CAPN1: variants seen among roughly 807,000 people sequenced by gnomAD.
CAPN1 encodes calpain-1 catalytic subunit.
CAPN1 carries 77 observed loss-of-function variants against 105.2 expected under a neutral mutation model. That is an observed-to-expected ratio of 0.73 (90% confidence interval 0.61 to 0.88). The LOEUF is 0.88. CAPN1 is among the 40% of genes least tolerant of loss of function. The probability of loss-of-function intolerance (pLI) is 0.00; values close to 1 mark genes in which losing one functional copy is unlikely to be tolerated. For missense variants in CAPN1, 833 were observed against 976.6 expected, an observed-to-expected ratio of 0.85 and a Z score of 1.96; for synonymous variants, 355 against 388.8, an observed-to-expected ratio of 0.91 and a Z score of 1.02.
In CAPN1 at chr11:65,188,867, T is replaced by C; in HGVS notation, c.1165+121T>C. The C allele has an allele frequency of 1.2e-6, 1 of 839,026 alleles. No individual in the cohort carries two copies. Among genetic ancestry groups the C allele is most frequent in the Non-Finnish European group, 1.8e-6 (1 of 549,458 alleles). The allele number at this position is 839,026 out of a possible 1,614,324, so 52.0% of individuals were successfully genotyped here. On this transcript the variant is annotated intron_variant, in intron 10 of 21. Coordinates refer to ENST00000279247, the MANE Select transcript of CAPN1 (RefSeq NM_005186.4). The surrounding 1 kb of genome is among the most constrained non-coding windows in gnomAD (Gnocchi z 5.5). ...ATATAGGCTGATCTCTTGAATTTGC[T>C]TTGAGGAGTAAAATATTAAATGTCC...
At position 65,206,565 on chromosome 11, in the gene CAPN1, C is replaced by T. The variant is rs780976578; in HGVS notation, c.1456C>T (p.Arg486Cys). Residue 486 changes from arginine (R) to cysteine (C), a missense_variant, in exon 13 of 22, where the codon CGC (arginine) becomes TGC (cysteine). Physicochemically the swap from Arg to Cys is radical, Grantham distance 180. Transcript: ENST00000279247. ...CATCAACCTGCGAGAGGTCAGCACC[C>T]GCTTCCGCCTGCCACCCGGGGAGTA... ...QFINLREVST[R>C]FRLPPGEYVV... is the part of the protein sequence containing the mutation. 2.5e-5 allele frequency: 40 copies of T among 1,613,350 alleles called. No homozygotes were observed. Among genetic ancestry groups the T allele is most frequent in the Middle Eastern group, 1.6e-4 (1 of 6,084 alleles).
rs759051568 is a variant in CAPN1, at chr11:65,210,830, G to T, written c.2076G>T (p.Leu692=). The change falls in exon 21 of 22, where the codon CTG becomes CTT. Residue 692 remains leucine, a synonymous_variant. Coordinates refer to ENST00000279247, the MANE Select transcript of CAPN1 (RefSeq NM_005186.4). The surrounding 1 kb of genome is among the most constrained non-coding windows in gnomAD (Gnocchi z 4.3). Reference sequence around the variant, plus strand: ...AACACACAGGATTTTTCAAAACTCTGGACACAGATCTGGATGGAGTTGTGA... The same window carrying T: ...AACACACAGGATTTTTCAAAACTCTTGACACAGATCTGGATGGAGTTGTGA... The part of the protein sequence containing the change: ...LETMFRFFKT[L]DTDLDGVVTF... The T allele has an allele frequency of 1.2e-6, 2 of 1,613,592 alleles. No homozygotes were observed. The highest frequency in any genetic ancestry group is 2.7e-5 in the African/African-American group (2 of 74,920).
intron 5 of CAPN1, 22 bp downstream of exon 5, chr11:65,186,072 A>T (rs779179237): frequency 3.1e-6 from 5 of 1,609,842 alleles, no homozygotes; most frequent in Non-Finnish European, 1.7e-6. Flanking sequence ...CTGAGGGGGC[A>T]ACTCCAGCTT....
intron 10 of CAPN1, among the ~76,000 whole-genome samples, chr11:65,202,414 T>C (rs2137373607): frequency 6.6e-6 from 1 of 152,242 alleles, no homozygotes; most frequent in South Asian, 2.1e-4. Flanking sequence ...TACTGAAGTA[T>C]ATTACGATTT....
chr11:65,188,125 G>A lies in CAPN1; in HGVS notation c.929+85G>A. 1.0e-6 allele frequency: 1 copy of A among 995,938 alleles called. No individual in the cohort carries two copies. The highest frequency in any genetic ancestry group is 1.5e-6 in the Non-Finnish European group (1 of 673,130). The allele number at this position is 995,938 out of a possible 1,614,324, so 61.7% of individuals were successfully genotyped here. A position where few individuals can be genotyped will look rare whatever the true frequency, so the allele number is the denominator to read the frequency against. ...TTCTGCTCGGGACTCTACCAGGCCA[G>A]GCTGGACTCAGGATTGAGCAGAGGG... is the stretch of plus-strand genomic sequence containing the variant. On this transcript the variant is annotated intron_variant, in intron 8 of 21. Coordinates refer to ENST00000279247, the MANE Select transcript of CAPN1 (RefSeq NM_005186.4). The surrounding 1 kb of genome is among the most constrained non-coding windows in gnomAD (Gnocchi z 5.5).
At chr11:65,204,024 A>G (rs1325854422) in intron 10 of CAPN1, among the ~76,000 whole-genome samples, 4 of 152,224 alleles carry the variant, frequency 2.6e-5, no homozygotes, top group Admixed American at 2.6e-4. Flanking sequence ...CCCAACTGCC[A>G]GAAATGCAAG....
Position 65,209,725 on chromosome 11 carries a change from C to A in CAPN1, c.1795-124C>A. 2 of 916,150 alleles carry A rather than the reference C, an allele frequency of 2.2e-6. No homozygotes were observed. Among genetic ancestry groups the A allele is most frequent in the Non-Finnish European group, 3.4e-6 (2 of 585,570 alleles). 56.8% of individuals were successfully genotyped at this position (916,150 alleles called of 1,614,324 possible). The stretch of plus-strand genomic sequence containing the variant: ...GTGGGCTGACTGTACATGGCTTTTG[C>A]TGCTTCTCCTCACCCAGCCCCAAGT... On this transcript the variant is annotated intron_variant, in intron 17 of 21. Coordinates refer to ENST00000279247, the MANE Select transcript of CAPN1 (RefSeq NM_005186.4). The surrounding 1 kb of genome is among the most constrained non-coding windows in gnomAD (Gnocchi z 4.1).
rs1381907599 is a variant in CAPN1, at chr11:65,188,723, C to T, written c.1142C>T (p.Ala381Val). Residue 381 changes from alanine to valine, a missense_variant, in exon 10 of 22, where the codon GCG becomes GTG. By Grantham distance (64) the Ala-to-Val change is moderately conservative (BLOSUM62 0). Coordinates refer to ENST00000279247, the MANE Select transcript of CAPN1 (RefSeq NM_005186.4). This position sits in a 1 kb window ranked among gnomAD's most constrained non-coding sequence, Gnocchi z 5.5. ...YEGTWRRGST[A>V]GGCRNYPATF... ...GGCACCTGGCGGCGGGGGAGCACCGCGGGGGGCTGCCGAAACTACCCAGGT... is the reference window on the plus strand; with the variant it reads ...GGCACCTGGCGGCGGGGGAGCACCGTGGGGGGCTGCCGAAACTACCCAGGT... 8.8e-6 allele frequency: 14 copies of T among 1,583,080 alleles called. No homozygotes were observed. The highest frequency in any genetic ancestry group is 4.7e-5 in the East Asian group (2 of 42,726).
Position 65,210,538 on chromosome 11 carries a change from T to A in CAPN1, c.2059+86T>A. The A allele has an allele frequency of 1.2e-6, 1 of 854,146 alleles. No individual in the cohort carries two copies. The highest frequency in any genetic ancestry group is 1.9e-6 in the Non-Finnish European group (1 of 515,248). 52.9% of individuals were successfully genotyped at this position (854,146 alleles called of 1,614,324 possible). On this transcript the variant is annotated intron_variant, in intron 20 of 21. Coordinates refer to ENST00000279247, the MANE Select transcript of CAPN1 (RefSeq NM_005186.4). The surrounding 1 kb of genome is among the most constrained non-coding windows in gnomAD (Gnocchi z 4.3). ...TGGGGGGAATGACAGATGGGTGAAT[T>A]AGCAGATACAGGCCAGTGCTGTGGG...
Position 65,211,318 on chromosome 11 carries a change from C to T in CAPN1, c.*32C>T, listed in dbSNP as rs1186278024. ...GACTCGGTCCCCCTTGCCGTGCTCCCCTCCCTCCTCGTCTGCCAAGCCTCG... is the reference window on the plus strand; with the variant it reads ...GACTCGGTCCCCCTTGCCGTGCTCCTCTCCCTCCTCGTCTGCCAAGCCTCG... On this transcript the variant is annotated 3_prime_UTR_variant, in exon 22 of 22. Coordinates refer to ENST00000279247, the MANE Select transcript of CAPN1 (RefSeq NM_005186.4). The T allele has an allele frequency of 1.9e-6, 3 of 1,608,574 alleles. No homozygotes were observed. Among genetic ancestry groups the T allele is most frequent in the South Asian group, 1.1e-5 (1 of 90,570 alleles).
At position 65,206,562 on chromosome 11, in the gene CAPN1, A is replaced by G. The variant is rs972175626; in HGVS notation, c.1453A>G (p.Thr485Ala). Residue 485 changes from threonine to alanine, a missense_variant, in exon 13 of 22, where the codon ACC becomes GCC. Physicochemically the swap from Thr to Ala is moderately conservative, Grantham distance 58. Transcript: ENST00000279247. The part of the protein sequence containing the change: ...EQFINLREVS[T>A]RFRLPPGEYV... The stretch of plus-strand genomic sequence containing the variant: ...GTTCATCAACCTGCGAGAGGTCAGC[A>G]CCCGCTTCCGCCTGCCACCCGGGGA... The G allele has an allele frequency of 1.9e-6, 3 of 1,613,154 alleles. No individual in the cohort carries two copies. The African/African-American group carries it at 4.0e-5, about 22-fold the overall frequency.
At position 65,211,503 on chromosome 11, in the gene CAPN1, T is replaced by C; in HGVS notation, c.*217T>C. ...GCCTGTGCCAGCCATGGGCTCGGGA[T>C]GGACTCCCTGGGCCCCACCCATTGC... On this transcript the variant is annotated 3_prime_UTR_variant, in exon 22 of 22. Coordinates refer to ENST00000279247, the MANE Select transcript of CAPN1 (RefSeq NM_005186.4). The C allele has an allele frequency of 1.7e-6, 1 of 588,188 alleles. No individual in the cohort carries two copies. The allele number at this position is 588,188 out of a possible 1,614,324, so 36.4% of individuals were successfully genotyped here.
chr11:65,192,861 C>T (rs1188032682), intron 10 of CAPN1, among the ~76,000 whole-genome samples: 2 of 152,078 alleles, frequency 1.3e-5, no homozygotes, highest in African/African-American at 4.8e-5. Context: ...CCCACCTTGG[C>T]CTCCCAAAGT....
At chr11:65,184,376 C>A (rs573364289) in intron 4 of CAPN1, among the ~76,000 whole-genome samples, 1 of 152,276 alleles carries the variant, frequency 6.6e-6, no homozygotes, top group Admixed American at 6.5e-5. Context: ...CGCCCCCTTC[C>A]CTCGCTCCTC....
At chr11:65,187,927 T>C (rs1590851067) in intron 7 of CAPN1, 28 bp from the exon 8 acceptor site, 2 of 1,487,680 alleles carry the variant, frequency 1.3e-6, no homozygotes, top group Non-Finnish European at 1.8e-6. Context: ...TGCTGGAAGC[T>C]AGCACTGACA....
chr11:65,207,934 G>C, intron 14 of CAPN1, 121 bp from the exon 15 acceptor site: 1 of 658,830 alleles, frequency 1.5e-6, no homozygotes, highest in South Asian at 1.9e-5. Flanking sequence ...GAAAAGAAAA[G>C]TGAGGCTCAG....
intron 3 of CAPN1, 65 bp from the exon 4 acceptor site, chr11:65,183,409 A>G: frequency 7.6e-7 from 1 of 1,313,498 alleles, no homozygotes; most frequent in Non-Finnish European, 1.1e-6. Flanking sequence ...GATTCTCCCT[A>G]GCACCCGCTT....
rs1949028267 is a variant in CAPN1, at chr11:65,210,371, A to G, written c.1978A>G (p.Ile660Val). ...KLNKKLYELIITRYSEPDLAV... is the reference protein window; with the variant it reads ...KLNKKLYELIVTRYSEPDLAV... Reference sequence around the variant, plus strand: ...CAACAAGAAGCTGTACGAGCTCATCATCACCCGCTACTCGGAGCCCGACCT... The same window carrying G: ...CAACAAGAAGCTGTACGAGCTCATCGTCACCCGCTACTCGGAGCCCGACCT... The change falls in exon 20 of 22, where the codon ATC becomes GTC. Residue 660 changes from isoleucine to valine, a missense_variant. Transcript: ENST00000279247. This position sits in a 1 kb window ranked among gnomAD's most constrained non-coding sequence, Gnocchi z 4.3. 8 of 1,613,314 alleles carry G rather than the reference A, an allele frequency of 5.0e-6. No individual in the cohort carries two copies. The highest frequency in any genetic ancestry group is 1.7e-4 in the Middle Eastern group (1 of 6,060).
intron 11 of CAPN1, 145 bp from the exon 12 acceptor site, chr11:65,205,565 C>A (rs1388986136): frequency 4.0e-6 from 3 of 758,494 alleles, no homozygotes; most frequent in Non-Finnish European, 6.9e-6. Flanking sequence ...GGTGCAGGGA[C>A]CAGATCTGGG....
Sources: gnomAD v4.1 joint callset for allele counts (sites outside exome capture counted in the v4.1 genomes callset) on GRCh38, gnomAD v4.1.1 for gene constraint, Gnocchi (gnomAD v3.1) non-coding constraint, MANE v1.5 for transcripts, NCBI Gene and HGNC (gene_info 2026-07-23, HGNC 2026-07-21) for gene names.